The following HEMK2 variants were observed in gnomAD, a reference collection of about 807,000 sequenced individuals.
HEMK2 encodes methyltransferase HEMK2.
chr21:28,737,076 A>G, the HEMK2 span, among the ~76,000 whole-genome samples: 34,728 of 151,982 alleles, frequency 0.23, 4,604 homozygotes, highest in African/African-American at 0.35. Flanking sequence ...TTGAGGAGGC[A>G]GATTTTCTGT....
the HEMK2 span, chr21:28,885,134 A>G: frequency 4.1e-6 from 6 of 1,448,370 alleles, no homozygotes; most frequent in Admixed American, 7.3e-5. Context: ...GGTGATAGTC[A>G]CCGTTCCGGC....
At chr21:28,857,522 GTTTTA>G in the HEMK2 span, among the ~76,000 whole-genome samples, 1 of 152,014 alleles carries the variant, frequency 6.6e-6, no homozygotes, top group Non-Finnish European at 1.5e-5. Context: ...TCTCATGATA[GTTTTA>G]TTTTCCCAAA....
chr21:28,844,820 T>C, the HEMK2 span, among the ~76,000 whole-genome samples: 14 of 152,116 alleles, frequency 9.2e-5, no homozygotes, highest in Admixed American at 9.2e-4. Flanking sequence ...AGAATCCTTC[T>C]ATATATTTTT....
chr21:28,866,317 G>A, the HEMK2 span, among the ~76,000 whole-genome samples: 1 of 151,788 alleles, frequency 6.6e-6, no homozygotes, highest in Non-Finnish European at 1.5e-5. Flanking sequence ...CTCCAGCCTG[G>A]GCAACAGAGC....
chr21:28,721,184 T>C, the HEMK2 span, among the ~76,000 whole-genome samples: 195 of 152,294 alleles, frequency 1.3e-3, 5 homozygotes, highest in East Asian at 0.036. Context: ...GGTGTAATCA[T>C]AGCTCAATGA....
At chr21:28,780,750 C>T in the HEMK2 span, among the ~76,000 whole-genome samples, 8 of 152,216 alleles carry the variant, frequency 5.3e-5, no homozygotes, top group African/African-American at 1.4e-4. Context: ...ACGCCCTAGA[C>T]GTCATGGGAG....
the HEMK2 span, among the ~76,000 whole-genome samples, chr21:28,722,505 T>G: frequency 6.6e-6 from 1 of 152,234 alleles, no homozygotes; most frequent in African/African-American, 2.4e-5. Flanking sequence ...GAGAGAGTTG[T>G]TTCCATTTAA....
At chr21:28,609,360 C>T in the HEMK2 span, among the ~76,000 whole-genome samples, 2 of 152,126 alleles carry the variant, frequency 1.3e-5, no homozygotes, top group African/African-American at 4.8e-5. Flanking sequence ...GAGAGCACCA[C>T]ATCAAGGGAG....
chr21:28,608,499 T>C, the HEMK2 span, among the ~76,000 whole-genome samples: 1 of 149,812 alleles, frequency 6.7e-6, no homozygotes, highest in Non-Finnish European at 1.5e-5. Flanking sequence ...ACCCACTTCA[T>C]GAACTTTTGC....
the HEMK2 span, among the ~76,000 whole-genome samples, chr21:28,613,210 G>A: frequency 3.9e-5 from 6 of 152,124 alleles, no homozygotes; most frequent in East Asian, 1.2e-3. Flanking sequence ...ATATGTATCT[G>A]TATGTATATA....
chr21:28,796,949 T>C, the HEMK2 span, among the ~76,000 whole-genome samples: 3 of 152,216 alleles, frequency 2.0e-5, no homozygotes, highest in Admixed American at 1.3e-4. Flanking sequence ...TTAAGTTTTT[T>C]CCAGGGTCAC....
At chr21:28,697,433 C>T in the HEMK2 span, among the ~76,000 whole-genome samples, 9 of 152,268 alleles carry the variant, frequency 5.9e-5, no homozygotes, top group African/African-American at 2.2e-4. Context: ...ACCTTATTGT[C>T]CAGATCACTA....
At chr21:28,838,307 G>A in the HEMK2 span, among the ~76,000 whole-genome samples, 1 of 152,100 alleles carries the variant, frequency 6.6e-6, no homozygotes, top group African/African-American at 2.4e-5. Flanking sequence ...GGCCAAGGTA[G>A]GTGGATCACG....
chr21:28,836,092 G>GCCT, the HEMK2 span, among the ~76,000 whole-genome samples: 1 of 152,160 alleles, frequency 6.6e-6, no homozygotes, highest in East Asian at 1.9e-4. Flanking sequence ...AACTTCCTCA[G>GCCT]CCTTGCTAGA....
the HEMK2 span, among the ~76,000 whole-genome samples, chr21:28,609,178 A>G: frequency 6.6e-6 from 1 of 152,186 alleles, no homozygotes; most frequent in African/African-American, 2.4e-5. Context: ...TGGGAGCAGA[A>G]GCTAGTATCC....
At chr21:28,668,461 G>T in the HEMK2 span, among the ~76,000 whole-genome samples, 1 of 152,066 alleles carries the variant, frequency 6.6e-6, no homozygotes, top group African/African-American at 2.4e-5. Flanking sequence ...GCCACCTAAA[G>T]AAGTTTTTAT....
At chr21:28,707,835 A>T in the HEMK2 span, among the ~76,000 whole-genome samples, 1 of 152,222 alleles carries the variant, frequency 6.6e-6, no homozygotes, top group African/African-American at 2.4e-5. Context: ...TATGTATATC[A>T]AATCATCACA....
the HEMK2 span, among the ~76,000 whole-genome samples, chr21:28,664,431 G>A: frequency 6.6e-6 from 1 of 152,154 alleles, no homozygotes; most frequent in East Asian, 1.9e-4. Context: ...AGGAGCAGTG[G>A]ATTTTATCAA....
chr21:28,681,473 T>A, the HEMK2 span, among the ~76,000 whole-genome samples: 1 of 151,984 alleles, frequency 6.6e-6, no homozygotes, highest in African/African-American at 2.4e-5. Flanking sequence ...ATGGCCATAC[T>A]GCCCAAGGTA....
Sources: allele counts gnomAD v4.1 joint callset (sites outside exome capture counted in the v4.1 genomes callset), GRCh38; gene constraint gnomAD v4.1.1; transcripts MANE v1.5; gene names NCBI Gene and HGNC (gene_info 2026-07-23, HGNC 2026-07-21).